Variants in KYNU observed in about 807,000 individuals in gnomAD.
KYNU encodes L-kynurenine hydrolase.
KYNU carries 54 observed loss-of-function variants against 59.2 expected under a neutral mutation model. That is an observed-to-expected ratio of 0.91 (90% CI 0.73 to 1.14). The LOEUF (loss-of-function observed/expected upper bound fraction) is 1.14. KYNU is among the 50% of genes most tolerant of loss of function. The probability of loss-of-function intolerance (pLI) is 0.00; values close to 1 mark genes in which losing one functional copy is unlikely to be tolerated. For synonymous variants in KYNU, 177 were observed against 192.0 expected, an observed-to-expected ratio of 0.92 and a Z score of 0.65; for missense variants, 567 against 554.4, an observed-to-expected ratio of 1.02 and a Z score of -0.23.
In KYNU at chr2:142,933,765, G is replaced by A. The variant is rs1297856631; in HGVS notation, c.373+6024G>A. Among the ~76,000 whole-genome samples the A allele has an allele frequency of 1.3e-5, 2 of 152,178 alleles. 1 individual carries two copies. The highest frequency in any genetic ancestry group is 3.8e-4 in the East Asian group (2 of 5,198). On this transcript the variant is annotated intron_variant, in intron 4 of 13. Transcript: ENST00000264170. Reference sequence around the variant, plus strand: ...CATTGAAGGAGAGTGGATGGTTTTAGGGATAGGGTACTGAGGTCAAGAGCA... The same window carrying A: ...CATTGAAGGAGAGTGGATGGTTTTAAGGATAGGGTACTGAGGTCAAGAGCA...
intron 2 of KYNU, among the ~76,000 whole-genome samples, chr2:142,910,507 C>G (rs1296652147): frequency 6.6e-6 from 1 of 152,124 alleles, no homozygotes; most frequent in Non-Finnish European, 1.5e-5. Context: ...TGAATATCTT[C>G]TCCCATTCTG....
chr2:142,949,785 T>C (rs750523242), intron 4 of KYNU, among the ~76,000 whole-genome samples: 11 of 149,908 alleles, frequency 7.3e-5, no homozygotes, highest in Non-Finnish European at 1.3e-4. Flanking sequence ...CTGCTCCTCG[T>C]TACTTATGCA....
At chr2:142,974,479 G>A (rs1684829214) in intron 8 of KYNU, among the ~76,000 whole-genome samples, 1 of 152,156 alleles carries the variant, frequency 6.6e-6, no homozygotes, top group Non-Finnish European at 1.5e-5. Flanking sequence ...TTTTGGCCTA[G>A]TAAATTGAGG....
chr2:142,909,581 A>G (rs998334269), intron 2 of KYNU, among the ~76,000 whole-genome samples: 3 of 152,210 alleles, frequency 2.0e-5, no homozygotes, highest in African/African-American at 7.2e-5. Context: ...GCATTAATTC[A>G]TTTAAGATAA....
rs578042929 is a variant in KYNU, at chr2:143,031,700, G to A, written c.956-1536G>A. ...TGATTGAGCCACTGCACTCAGGCCT[G>A]GGTAACAGAGTGATACTCTGTCTCA... On this transcript the variant is annotated intron_variant, in intron 11 of 13. Transcript: ENST00000264170. Among the ~76,000 whole-genome samples the A allele has an allele frequency of 1.7e-3, 259 of 152,276 alleles. 1 individual carries two copies. The highest frequency in any genetic ancestry group is 3.0e-3 in the Non-Finnish European group (201 of 68,014).
chr2:142,977,752 A>G (rs1684934817), intron 8 of KYNU, among the ~76,000 whole-genome samples: 1 of 152,168 alleles, frequency 6.6e-6, no homozygotes, highest in Non-Finnish European at 1.5e-5. Context: ...ACTGACTTTA[A>G]GTACAGCATG....
At chr2:143,019,634 C>G (rs1160507769) in intron 10 of KYNU, among the ~76,000 whole-genome samples, 2 of 151,972 alleles carry the variant, frequency 1.3e-5, no homozygotes, top group African/African-American at 2.4e-5. Context: ...TTGCTATGTC[C>G]TTGTCTGCTA....
chr2:142,929,007 C>CAAAAAAA (rs761809423), intron 4 of KYNU, among the ~76,000 whole-genome samples: 10 of 48,374 alleles, frequency 2.1e-4, no homozygotes, highest in Non-Finnish European at 2.8e-4. Flanking sequence ...CACCCTGTCT[C>CAAAAAAA]AAAAAAAAAA....
chr2:143,003,875 G>C (rs1685785234), intron 10 of KYNU, among the ~76,000 whole-genome samples: 1 of 150,734 alleles, frequency 6.6e-6, no homozygotes, highest in Non-Finnish European at 1.5e-5. Context: ...AAAGAGTGGA[G>C]CTGATGAATA....
chr2:142,912,482 C>T (rs1422881295), intron 2 of KYNU, among the ~76,000 whole-genome samples: 10 of 147,920 alleles, frequency 6.8e-5, no homozygotes, highest in Admixed American at 1.4e-4. Flanking sequence ...CAGGTTCAAG[C>T]GATTCTCTTG....
chr2:142,885,943 T>C (rs1278095690), intron 2 of KYNU, among the ~76,000 whole-genome samples: 1 of 152,224 alleles, frequency 6.6e-6, no homozygotes, highest in African/African-American at 2.4e-5. Flanking sequence ...AGAGAAAATA[T>C]TGTTTTGTGA....
intron 4 of KYNU, chr2:142,954,047 T>C (rs1684083844): frequency 6.6e-6 from 1 of 152,160 alleles, no homozygotes; most frequent in Non-Finnish European, 1.5e-5. Context: ...AGAAACATCA[T>C]AAGGACTCAA....
intron 10 of KYNU, among the ~76,000 whole-genome samples, chr2:142,991,121 T>C (rs1034359942): frequency 5.9e-5 from 9 of 152,054 alleles, no homozygotes; most frequent in African/African-American, 2.2e-4. Context: ...AACTGTACAG[T>C]TAACATTGTA....
chr2:142,964,967 C>T (rs1461396184), intron 8 of KYNU, among the ~76,000 whole-genome samples: 1 of 152,142 alleles, frequency 6.6e-6, no homozygotes, highest in Non-Finnish European at 1.5e-5. Flanking sequence ...TTCCATGTTT[C>T]TATATTTTTC....
intron 1 of KYNU, among the ~76,000 whole-genome samples, chr2:142,883,885 G>A (rs1573745458): frequency 6.6e-6 from 1 of 152,240 alleles, no homozygotes; most frequent in East Asian, 1.9e-4. Flanking sequence ...TGCCATTACT[G>A]GGAGTCACAT....
chr2:143,034,732 G>C (rs1047709873), intron 12 of KYNU, among the ~76,000 whole-genome samples: 2 of 152,112 alleles, frequency 1.3e-5, no homozygotes, highest in Admixed American at 6.5e-5. Context: ...TGTTTTTATA[G>C]TATCCATTCA....
chr2:143,023,817 A>G (rs1686475371), intron 10 of KYNU, among the ~76,000 whole-genome samples: 1 of 151,876 alleles, frequency 6.6e-6, no homozygotes, highest in Non-Finnish European at 1.5e-5. Flanking sequence ...TCAAAAAAAA[A>G]GCAAATCATC....
intron 2 of KYNU, among the ~76,000 whole-genome samples, chr2:142,907,629 CA>C (rs1406310664): frequency 6.6e-6 from 1 of 152,188 alleles, no homozygotes; most frequent in Non-Finnish European, 1.5e-5. Context: ...GGAGGGGACC[CA>C]AAGGGGGTTG....
intron 8 of KYNU, among the ~76,000 whole-genome samples, chr2:142,962,737 A>T (rs557306019): frequency 6.6e-6 from 1 of 152,342 alleles, no homozygotes; most frequent in Admixed American, 6.5e-5. Flanking sequence ...TGGGAATCAA[A>T]TGGGGATATA....
Sources: gnomAD v4.1 joint callset for allele counts (sites outside exome capture counted in the v4.1 genomes callset) on GRCh38, gnomAD v4.1.1 for gene constraint, MANE v1.5 for transcripts, NCBI Gene and HGNC (gene_info 2026-07-23, HGNC 2026-07-21) for gene names.